CTDSP2: variants seen among roughly 807,000 people sequenced by gnomAD.
CTDSP2 encodes carboxy-terminal domain RNA polymerase II polypeptide A small phosphatase 2.
Under a neutral mutation model 31.6 loss-of-function variants are expected in CTDSP2, and 9 were observed. That is an observed-to-expected ratio of 0.28 (90% CI 0.17 to 0.50). The LOEUF (loss-of-function observed/expected upper bound fraction) is 0.50, where lower values mean the gene tolerates loss of function less well. Among genes scored for constraint, CTDSP2 ranks in the 20% least tolerant of loss-of-function variants. CTDSP2 has a pLI of 0.98. For missense variants in CTDSP2, 267 were observed against 348.5 expected, an observed-to-expected ratio of 0.77 and a Z score of 1.86; for synonymous variants, 134 against 134.5, an observed-to-expected ratio of 1.00 and a Z score of 0.03.
At chr12:57,840,180 G>A (rs867941636) in intron 1 of CTDSP2, among the ~76,000 whole-genome samples, 3 of 152,208 alleles carry the variant, frequency 2.0e-5, no homozygotes, top group South Asian at 4.1e-4. Context: ...ACACATGCAT[G>A]CCTGACCCAC....
intron 5 of CTDSP2, 121 bp from the exon 6 acceptor site, chr12:57,824,440 G>T: frequency 1.3e-6 from 1 of 780,980 alleles, no homozygotes; most frequent in Non-Finnish European, 2.2e-6. Context: ...AGCCTCCTGG[G>T]CTACCTGGCT....
At chr12:57,829,369 G>A (rs532371695) in intron 2 of CTDSP2, 79 bp downstream of exon 2, 433 of 1,524,498 alleles carry the variant, frequency 2.8e-4, no homozygotes, top group South Asian at 6.1e-4. Flanking sequence ...AAGCTTCCTT[G>A]TCCGGTTGCC....
In CTDSP2 at chr12:57,822,034, A is replaced by G. The variant is rs780597316; in HGVS notation, c.*1568T>C. On this transcript the variant is annotated 3_prime_UTR_variant, in exon 8 of 8. Coordinates refer to ENST00000398073, the MANE Select transcript of CTDSP2 (RefSeq NM_005730.4). Reference sequence around the variant, plus strand: ...GGGTGGTGTCCCTGCACCTAAAGCAATTCACAAATGCTTTGTGATACCTGC... The same window carrying G: ...GGGTGGTGTCCCTGCACCTAAAGCAGTTCACAAATGCTTTGTGATACCTGC... The G allele has an allele frequency of 6.6e-6, 1 of 152,202 alleles. No homozygotes were observed. The highest frequency in any genetic ancestry group is 1.5e-5 in the Non-Finnish European group (1 of 68,034). 9.4% of individuals were successfully genotyped at this position (152,202 alleles called of 1,614,324 possible).
intron 4 of CTDSP2, 66 bp from the exon 5 acceptor site, chr12:57,826,468 C>G: frequency 6.8e-7 from 1 of 1,474,112 alleles, no homozygotes; most frequent in South Asian, 1.1e-5. Flanking sequence ...CCACCATACC[C>G]CTAGGTGGGT....
chr12:57,839,060 TG>T (rs1337474933), intron 1 of CTDSP2, among the ~76,000 whole-genome samples: 1 of 152,140 alleles, frequency 6.6e-6, no homozygotes, highest in African/African-American at 2.4e-5. Flanking sequence ...ACACACTCAT[TG>T]AGGCTGGCCA....
rs903161715 is a variant in CTDSP2 at position 57,823,418 on chromosome 12, G to T, written c.*184C>A. On this transcript the variant is annotated 3_prime_UTR_variant, in exon 8 of 8. Coordinates refer to ENST00000398073, the MANE Select transcript of CTDSP2 (RefSeq NM_005730.4). ...ACAAGTTGGCGGCAGGTAGCTCTGG[G>T]TATCATTGGTCTGGCATTCGCCCAC... 4 of 632,580 alleles carry T rather than the reference G, an allele frequency of 6.3e-6. No homozygotes were observed. The highest frequency in any genetic ancestry group is 5.5e-5 in the African/African-American group (3 of 54,558). 39.2% of individuals were successfully genotyped at this position (632,580 alleles called of 1,614,324 possible).
At chr12:57,830,355 A>T (rs1956207953) in intron 1 of CTDSP2, among the ~76,000 whole-genome samples, 1 of 152,030 alleles carries the variant, frequency 6.6e-6, no homozygotes, top group Non-Finnish European at 1.5e-5. Context: ...ACTGCACTCC[A>T]GCCTGGATGA....
rs375138358 is a variant in CTDSP2 at position 57,823,946 on chromosome 12, C to T, written c.648G>A (p.Leu216=). ...LGRDLRKTLI[L]DNSPASYIFH... ...ATATGTAAGAAGCAGGCGAGTTGTC[C>T]AGGATGAGGGTCTTTCTCAGGTCCC... The change falls in exon 7 of 8, where the codon CTG becomes CTA. Residue 216 remains leucine (L), a synonymous_variant. Coordinates refer to ENST00000398073, the MANE Select transcript of CTDSP2 (RefSeq NM_005730.4). 15 of 1,614,012 alleles carry T rather than the reference C, an allele frequency of 9.3e-6. No individual in the cohort carries two copies. Among genetic ancestry groups the T allele is most frequent in the Non-Finnish European group, 8.5e-6 (10 of 1,180,020 alleles).
intron 1 of CTDSP2, among the ~76,000 whole-genome samples, chr12:57,830,416 C>CAAAA (rs1565845971): frequency 6.6e-6 from 1 of 151,022 alleles, no homozygotes; most frequent in East Asian, 1.9e-4. Flanking sequence ...AACAAACAAA[C>CAAAA]AAAACCAACA....
Position 57,824,267 on chromosome 12 carries a change from T to C in CTDSP2, c.464A>G (p.Glu155Gly), listed in dbSNP as rs1956168570. 1 of 1,613,912 alleles carries C rather than the reference T, an allele frequency of 6.2e-7. No homozygotes were observed. The highest frequency in any genetic ancestry group is 8.5e-7 in the Non-Finnish European group (1 of 1,179,936). Reference sequence around the variant, plus strand: ...AGTGAAGAGAACACATTCAAAGAGTTCCCCCATGCGTCTCAGGAACTCATC... The same window carrying C: ...AGTGAAGAGAACACATTCAAAGAGTCCCCCCATGCGTCTCAGGAACTCATC... The part of the protein sequence containing the change: ...YVDEFLRRMG[E>G]LFECVLFTAS... Residue 155 changes from glutamate (E) to glycine (G), a missense_variant, in exon 6 of 8, where the codon GAA (glutamate) becomes GGA (glycine). By Grantham distance (98) the Glu-to-Gly change is moderately conservative (BLOSUM62 -2). Around this residue, in one of 2 missense-constraint regions of CTDSP2, gnomAD observed 156 missense variants for 241.3 expected, o/e 0.65. Coordinates refer to ENST00000398073, the MANE Select transcript of CTDSP2 (RefSeq NM_005730.4).
At chr12:57,834,537 G>T (rs1690361692) in intron 1 of CTDSP2, among the ~76,000 whole-genome samples, 1 of 152,246 alleles carries the variant, frequency 6.6e-6, no homozygotes, top group African/African-American at 2.4e-5. Context: ...CAATGGGGCA[G>T]AGGAGGAAGG....
chr12:57,845,688 G>C (rs1427137777), intron 1 of CTDSP2, among the ~76,000 whole-genome samples: 1 of 152,202 alleles, frequency 6.6e-6, no homozygotes. Flanking sequence ...CCGGGCCTCA[G>C]GGTCGGGCTT....
At chr12:57,827,478 T>A in intron 3 of CTDSP2, 74 bp downstream of exon 3, 1 of 1,532,380 alleles carries the variant, frequency 6.5e-7, no homozygotes, top group Non-Finnish European at 9.0e-7. Context: ...ACTATGCACA[T>A]CACCCTGCCC....
intron 1 of CTDSP2, among the ~76,000 whole-genome samples, chr12:57,835,572 C>T (rs912000478): frequency 2.0e-5 from 3 of 152,210 alleles, no homozygotes; most frequent in African/African-American, 4.8e-5. Context: ...CTACCCTCTG[C>T]GGACACCCAG....
intron 5 of CTDSP2, among the ~76,000 whole-genome samples, chr12:57,825,681 G>A (rs1298818216): frequency 6.6e-6 from 1 of 152,196 alleles, no homozygotes; most frequent in African/African-American, 2.4e-5. Flanking sequence ...GGGACTGCCT[G>A]GGCTGCAGGC....
At chr12:57,833,118 G>A (rs957982830) in intron 1 of CTDSP2, among the ~76,000 whole-genome samples, 7 of 152,212 alleles carry the variant, frequency 4.6e-5, no homozygotes, top group Admixed American at 1.3e-4. Flanking sequence ...AAGAGAGGCC[G>A]TCAGGAATGC....
In CTDSP2 at chr12:57,821,420, C is replaced by T. The variant is rs1956144143; in HGVS notation, c.*2182G>A. 6.5e-6 allele frequency: 1 copy of T among 152,804 alleles called. No individual in the cohort carries two copies. Among genetic ancestry groups the T allele is most frequent in the South Asian group, 2.1e-4 (1 of 4,830 alleles). 9.5% of individuals were successfully genotyped at this position (152,804 alleles called of 1,614,324 possible). A position where few individuals can be genotyped will look rare whatever the true frequency, so the allele number is the denominator to read the frequency against. ...GGAAAGGGGGTGGCACATGCTCTTC[C>T]GCCATCTGGAAAAACATGGAGATCC... is the stretch of plus-strand genomic sequence containing the variant. On this transcript the variant is annotated 3_prime_UTR_variant, in exon 8 of 8. Coordinates refer to ENST00000398073, the MANE Select transcript of CTDSP2 (RefSeq NM_005730.4).
At position 57,823,852 on chromosome 12, in the gene CTDSP2, A is replaced by G. The variant is rs778548979; in HGVS notation, c.690+52T>C. Reference sequence around the variant, plus strand: ...CTTCTCTGGTGGAGCCCACAGTTCCAGTCTGCTTCCTCTCCCAATCCCTAC... The same window carrying G: ...CTTCTCTGGTGGAGCCCACAGTTCCGGTCTGCTTCCTCTCCCAATCCCTAC... On this transcript the variant is annotated intron_variant, in intron 7 of 7. Transcript: ENST00000398073. 1.3e-5 allele frequency: 21 copies of G among 1,609,548 alleles called. No homozygotes were observed. The Middle Eastern group carries it at 4.9e-4, about 38-fold the overall frequency.
intron 1 of CTDSP2, chr12:57,845,359 C>G (rs1247606454): frequency 6.6e-6 from 1 of 152,188 alleles, no homozygotes; most frequent in Non-Finnish European, 1.5e-5. Flanking sequence ...TTCGAGTCTC[C>G]CACTGTGACC....
Sources: allele counts gnomAD v4.1 joint callset (sites outside exome capture counted in the v4.1 genomes callset), GRCh38; gene constraint gnomAD v4.1.1; regional missense constraint gnomAD v4.1.1; transcripts MANE v1.5; gene names NCBI Gene and HGNC (gene_info 2026-07-23, HGNC 2026-07-21).